ITGA9: variants seen among roughly 807,000 people sequenced by gnomAD.
The protein encoded by ITGA9 is integrin subunit alpha 9, also known as integrin alpha-9.
Under a neutral mutation model 127.8 loss-of-function variants are expected in ITGA9, and 56 were observed. That is an observed-to-expected ratio of 0.44 (90% CI 0.35 to 0.55). The LOEUF (loss-of-function observed/expected upper bound fraction) is 0.55. Ranked by LOEUF, ITGA9 falls within the 20% of genes least tolerant of loss-of-function variation. ITGA9 has a pLI of 0.00. For missense variants in ITGA9, 1,196 were observed against 1,347.1 expected, an observed-to-expected ratio of 0.89 and a Z score of 1.76; for synonymous variants, 508 against 514.5, an observed-to-expected ratio of 0.99 and a Z score of 0.17.
intron 19 of ITGA9, among the ~76,000 whole-genome samples, chr3:37,733,891 A>G (rs891679044): frequency 2.0e-5 from 3 of 152,236 alleles, no homozygotes; most frequent in Non-Finnish European, 4.4e-5. Context: ...CATATCACCC[A>G]AGATAATCTC....
rs916611570 is a variant in ITGA9 at position 37,624,769 on chromosome 3, G to A, written c.1690-4418G>A. ...TTATAGGCGTGCTCCACCACGCCCG[G>A]CTAATTTTTGTATTTTTAGTAGAGA... On this transcript the variant is annotated intron_variant, in intron 15 of 27. Coordinates refer to ENST00000264741, the MANE Select transcript of ITGA9 (RefSeq NM_002207.3). Among the ~76,000 whole-genome samples the A allele has an allele frequency of 6.6e-5, 10 of 152,076 alleles. No homozygotes were observed. The East Asian group carries it at 1.9e-3, about 30-fold the overall frequency.
chr3:37,590,929 C>T (rs1156300343), intron 15 of ITGA9, among the ~76,000 whole-genome samples: 1 of 152,148 alleles, frequency 6.6e-6, no homozygotes, highest in African/African-American at 2.4e-5. Context: ...ACCCCATGTC[C>T]TTAGCGCAGC....
At chr3:37,605,938 ATGATATAGTG>A (rs1699965219) in intron 15 of ITGA9, among the ~76,000 whole-genome samples, 1 of 152,150 alleles carries the variant, frequency 6.6e-6, no homozygotes, top group South Asian at 2.1e-4. Flanking sequence ...GTGCATGAGT[ATGATATAGTG>A]TGCATGTGTG....
intron 15 of ITGA9, among the ~76,000 whole-genome samples, chr3:37,568,121 A>C (rs746785999): frequency 1.2e-4 from 18 of 152,210 alleles, no homozygotes; most frequent in Middle Eastern, 3.2e-3. Context: ...AGGCATTTCC[A>C]TGCATCCTCT....
At chr3:37,737,920 A>G (rs1262271263) in intron 20 of ITGA9, among the ~76,000 whole-genome samples, 1 of 152,208 alleles carries the variant, frequency 6.6e-6, no homozygotes, top group Non-Finnish European at 1.5e-5. Context: ...TGAAAGTTGC[A>G]GAAATCATGC....
chr3:37,552,262 T>C (rs562294447), intron 15 of ITGA9, among the ~76,000 whole-genome samples: 1 of 152,284 alleles, frequency 6.6e-6, no homozygotes, highest in African/African-American at 2.4e-5. Flanking sequence ...TCCTCTGTCA[T>C]GTATGCTTAA....
intron 27 of ITGA9, among the ~76,000 whole-genome samples, chr3:37,815,105 C>T (rs1204079486): frequency 3.3e-5 from 5 of 152,288 alleles, no homozygotes; most frequent in East Asian, 1.9e-4. Flanking sequence ...AGCTTGCTTC[C>T]GGGTGCCTGC....
chr3:37,493,207 T>TA (rs1288725723), intron 4 of ITGA9, among the ~76,000 whole-genome samples: 2 of 152,234 alleles, frequency 1.3e-5, no homozygotes, highest in Admixed American at 6.5e-5. Context: ...GAAACTGAAT[T>TA]ACTCTGTATA....
At chr3:37,607,244 T>C (rs931599732) in intron 15 of ITGA9, among the ~76,000 whole-genome samples, 6 of 152,098 alleles carry the variant, frequency 3.9e-5, no homozygotes, top group Admixed American at 2.6e-4. Context: ...GAGTGGCAGT[T>C]GGGTGGATGG....
intron 1 of ITGA9, among the ~76,000 whole-genome samples, chr3:37,453,353 C>A (rs968454044): frequency 6.6e-6 from 1 of 152,146 alleles, no homozygotes; most frequent in Non-Finnish European, 1.5e-5. Flanking sequence ...TCCAGTTGTC[C>A]CCTGAGTCCG....
chr3:37,625,333 T>G (rs1052133594), intron 15 of ITGA9, among the ~76,000 whole-genome samples: 1 of 152,234 alleles, frequency 6.6e-6, no homozygotes, highest in Non-Finnish European at 1.5e-5. Flanking sequence ...TGTTTCCCTG[T>G]GGCCCAGCAC....
intron 24 of ITGA9, among the ~76,000 whole-genome samples, chr3:37,779,297 G>A (rs551438334): frequency 6.6e-6 from 1 of 152,042 alleles, no homozygotes; most frequent in Admixed American, 6.6e-5. Flanking sequence ...TAGAGACAGG[G>A]TTTCACCATG....
At chr3:37,577,081 C>T (rs938744488) in intron 15 of ITGA9, among the ~76,000 whole-genome samples, 1 of 152,226 alleles carries the variant, frequency 6.6e-6, no homozygotes, top group Non-Finnish European at 1.5e-5. Flanking sequence ...CTCTGTTCCT[C>T]TGATGTGGCA....
chr3:37,705,809 G>C (rs1427707380), intron 18 of ITGA9, among the ~76,000 whole-genome samples: 1 of 152,204 alleles, frequency 6.6e-6, no homozygotes, highest in Non-Finnish European at 1.5e-5. Context: ...CTGAGCATCT[G>C]AGCTTTTTTA....
intron 27 of ITGA9, chr3:37,818,191 TAAAAAAAAAAA>T (rs748381488): frequency 1.0e-3 from 32 of 31,970 alleles, no homozygotes; most frequent in Non-Finnish European, 1.7e-3. Context: ...TAAGACTCTC[TAAAAAAAAAAA>T]AAAAAAAAAA....
intron 6 of ITGA9, 70 bp from the exon 7 acceptor site, chr3:37,505,930 C>A: frequency 8.8e-7 from 1 of 1,138,232 alleles, no homozygotes. Context: ...ACATTTTCCT[C>A]TGATGGATGT....
intron 15 of ITGA9, among the ~76,000 whole-genome samples, chr3:37,543,621 A>T (rs1699297409): frequency 6.6e-6 from 1 of 152,240 alleles, no homozygotes; most frequent in Non-Finnish European, 1.5e-5. Flanking sequence ...ATATAGCTCA[A>T]CCCAATATTG....
intron 15 of ITGA9, among the ~76,000 whole-genome samples, chr3:37,618,759 G>T (rs1429960456): frequency 6.6e-6 from 1 of 152,252 alleles, no homozygotes; most frequent in Non-Finnish European, 1.5e-5. Flanking sequence ...GACTCTCCGA[G>T]CTAGGCACGG....
At chr3:37,618,099 AC>A (rs1259121517) in intron 15 of ITGA9, among the ~76,000 whole-genome samples, 1 of 151,820 alleles carries the variant, frequency 6.6e-6, no homozygotes, top group East Asian at 1.9e-4. Context: ...GGTTTTATGT[AC>A]CTTTGGTCTT....
Sources: gnomAD v4.1 joint callset for allele counts (sites outside exome capture counted in the v4.1 genomes callset) on GRCh38, gnomAD v4.1.1 for gene constraint, MANE v1.5 for transcripts, NCBI Gene and HGNC (gene_info 2026-07-23, HGNC 2026-07-21) for gene names.